TTC23: variants seen among roughly 807,000 people sequenced by gnomAD.
TTC23 encodes tetratricopeptide repeat domain 23, also known as tetratricopeptide repeat protein 23.
TTC23 carries 58 observed loss-of-function variants against 55.1 expected under a neutral mutation model. The ratio of observed to expected loss-of-function variants is 1.05; its 90% CI spans 0.85 to 1.31. The LOEUF (loss-of-function observed/expected upper bound fraction) is 1.31, where lower values mean the gene tolerates loss of function less well. Among genes scored for constraint, TTC23 ranks in the 50% most tolerant of loss-of-function variants. The pLI is 0.00. For synonymous variants in TTC23, 203 were observed against 199.9 expected, an observed-to-expected ratio of 1.02 and a Z score of -0.13; for missense variants, 516 against 534.4, an observed-to-expected ratio of 0.97 and a Z score of 0.34.
intron 9 of TTC23, among the ~76,000 whole-genome samples, chr15:99,197,301 A>C (rs945355382): frequency 6.6e-6 from 1 of 151,680 alleles, no homozygotes; most frequent in Middle Eastern, 3.2e-3. Context: ...ATGGGGTTTC[A>C]CCATGTTAGC....
At chr15:99,232,091 C>T (rs1275153190) in intron 4 of TTC23, among the ~76,000 whole-genome samples, 1 of 151,808 alleles carries the variant, frequency 6.6e-6, no homozygotes, top group Non-Finnish European at 1.5e-5. Context: ...CATGCCTGGC[C>T]TGTGTCTTAG....
At chr15:99,146,328 G>C (rs2068854283) in intron 12 of TTC23, among the ~76,000 whole-genome samples, 1 of 152,172 alleles carries the variant, frequency 6.6e-6, no homozygotes, top group African/African-American at 2.4e-5. Context: ...GGCCTTCTGA[G>C]CTGCCTTCTC....
At chr15:99,212,964 AAC>A (rs2077159829) in intron 8 of TTC23, among the ~76,000 whole-genome samples, 1 of 147,790 alleles carries the variant, frequency 6.8e-6, no homozygotes, top group Non-Finnish European at 1.5e-5. Flanking sequence ...CAGCCAGAGC[AAC>A]AGAGTAAGAC....
chr15:99,163,321 A>G (rs1022531706), intron 10 of TTC23, among the ~76,000 whole-genome samples: 1 of 152,194 alleles, frequency 6.6e-6, no homozygotes, highest in African/African-American at 2.4e-5. Flanking sequence ...AGAGCAGCCT[A>G]CGGGAGCTGA....
At chr15:99,235,249 AAAAAC>A (rs1267067447) in intron 3 of TTC23, among the ~76,000 whole-genome samples, 169 bp from the exon 4 acceptor site, 1 of 152,164 alleles carries the variant, frequency 6.6e-6, no homozygotes, top group Non-Finnish European at 1.5e-5. Context: ...CACCATCTCA[AAAAAC>A]AAAACAAAAC....
At position 99,162,019 on chromosome 15, in the gene TTC23, C is replaced by T. The variant is rs183528418; in HGVS notation, c.866-152G>A. On this transcript the variant is annotated intron_variant, in intron 10 of 13. Coordinates refer to ENST00000394132, the MANE Select transcript of TTC23 (RefSeq NM_001288615.3). Reference sequence around the variant, plus strand: ...GACTGTCCTTTGCCCATTAATCTGCCTGTTTCATTAGAAAGGATTTAGGTC... The same window carrying T: ...GACTGTCCTTTGCCCATTAATCTGCTTGTTTCATTAGAAAGGATTTAGGTC... 1.1e-5 allele frequency: 8 copies of T among 737,142 alleles called. No homozygotes were observed. The Admixed American group carries it at 2.2e-4, about 20-fold the overall frequency. The allele number at this position is 737,142 out of a possible 1,614,324, so 45.7% of individuals were successfully genotyped here.
chr15:99,200,475 G>T (rs963351625), intron 8 of TTC23, among the ~76,000 whole-genome samples: 1 of 152,176 alleles, frequency 6.6e-6, no homozygotes, highest in Non-Finnish European at 1.5e-5. Context: ...GTAGGTATTG[G>T]TTTAAAAACT....
At chr15:99,238,496 G>C (rs890025472) in intron 3 of TTC23, among the ~76,000 whole-genome samples, 6 of 152,150 alleles carry the variant, frequency 3.9e-5, no homozygotes, top group Non-Finnish European at 5.9e-5. Context: ...GACCTTGCTT[G>C]TTTGGCTAAA....
intron 5 of TTC23, among the ~76,000 whole-genome samples, chr15:99,223,666 T>C (rs752156420): frequency 2.0e-5 from 3 of 152,160 alleles, no homozygotes; most frequent in Non-Finnish European, 4.4e-5. Context: ...CATGGCCCCA[T>C]GGAGAGAAGA....
At chr15:99,178,462 T>C (rs866393384) in intron 9 of TTC23, among the ~76,000 whole-genome samples, 2 of 152,240 alleles carry the variant, frequency 1.3e-5, no homozygotes, top group African/African-American at 4.8e-5. Context: ...TTCAATTTAA[T>C]TCCATTTAAT....
At chr15:99,240,658 G>A (rs1432463666) in intron 3 of TTC23, among the ~76,000 whole-genome samples, 1 of 152,170 alleles carries the variant, frequency 6.6e-6, no homozygotes, top group Non-Finnish European at 1.5e-5. Flanking sequence ...ATTTGTCATT[G>A]TTCTTGTGTC....
chr15:99,209,801 C>T (rs1409670607), intron 8 of TTC23, among the ~76,000 whole-genome samples: 1 of 152,184 alleles, frequency 6.6e-6, no homozygotes, highest in African/African-American at 2.4e-5. Flanking sequence ...GTGGCATGAT[C>T]TTTGCTCACT....
At chr15:99,219,687 C>T (rs553209307) in intron 6 of TTC23, among the ~76,000 whole-genome samples, 4 of 152,220 alleles carry the variant, frequency 2.6e-5, no homozygotes, top group East Asian at 3.9e-4. Context: ...TGTTCCTCCA[C>T]GGGCTTGTTA....
chr15:99,170,423 C>A (rs1329624295), intron 10 of TTC23, among the ~76,000 whole-genome samples: 1 of 152,092 alleles, frequency 6.6e-6, no homozygotes, highest in East Asian at 1.9e-4. Flanking sequence ...AAACCAAAAC[C>A]AACTCCCCAA....
At chr15:99,226,956 A>G (rs2078495822) in intron 5 of TTC23, among the ~76,000 whole-genome samples, 1 of 152,244 alleles carries the variant, frequency 6.6e-6, no homozygotes, top group African/African-American at 2.4e-5. Flanking sequence ...ATTCTTCACC[A>G]GAACCACAGA....
chr15:99,172,052 G>C (rs1425447107), intron 10 of TTC23, among the ~76,000 whole-genome samples: 2 of 146,762 alleles, frequency 1.4e-5, no homozygotes, highest in African/African-American at 5.0e-5. Flanking sequence ...GAGTATTGCT[G>C]TGTTGCCCAG....
At position 99,163,422 on chromosome 15, in the gene TTC23, T is replaced by C. The variant is rs73482316; in HGVS notation, c.866-1555A>G. On this transcript the variant is annotated intron_variant, in intron 10 of 13. Coordinates refer to ENST00000394132, the MANE Select transcript of TTC23 (RefSeq NM_001288615.3). ...AACTGTGCTCATAACAGGAACGAAC[T>C]TCAGAAAGCACCCCAACCTCCAGTT... Among the ~76,000 whole-genome samples the C allele has an allele frequency of 9.8e-3, 1,486 of 152,244 alleles. 37 individuals are homozygous for C. Among genetic ancestry groups the C allele is most frequent in the African/African-American group, 0.034 (1,411 of 41,510 alleles).
intron 9 of TTC23, among the ~76,000 whole-genome samples, chr15:99,189,526 A>C (rs2075044519): frequency 6.6e-6 from 1 of 152,114 alleles, no homozygotes; most frequent in Admixed American, 6.5e-5. Flanking sequence ...ATGGGTGATA[A>C]AAATTAGTAT....
intron 2 of TTC23, among the ~76,000 whole-genome samples, chr15:99,243,047 A>G (rs1244058864): frequency 6.6e-6 from 1 of 152,208 alleles, no homozygotes; most frequent in East Asian, 1.9e-4. Context: ...GAAACAATCA[A>G]CAAAGTGAAG....
Sources: allele counts gnomAD v4.1 joint callset (sites outside exome capture counted in the v4.1 genomes callset), GRCh38; gene constraint gnomAD v4.1.1; transcripts MANE v1.5; gene names NCBI Gene and HGNC (gene_info 2026-07-23, HGNC 2026-07-21).